CNPY1: variants seen among roughly 807,000 people sequenced by gnomAD.
CNPY1 encodes the protein canopy FGF signaling regulator 1.
CNPY1 carries 14 observed loss-of-function variants against 14.4 expected under a neutral mutation model. The ratio of observed to expected loss-of-function variants is 0.97; its 90% CI spans 0.64 to 1.52. The LOEUF (loss-of-function observed/expected upper bound fraction) is 1.52. Among genes scored for constraint, CNPY1 ranks in the 40% most tolerant of loss-of-function variants. The pLI, the probability that CNPY1 is intolerant of heterozygous loss-of-function variation, is 0.00. For synonymous variants in CNPY1, 43 were observed against 46.5 expected (o/e 0.92, Z 0.31); for missense variants, 129 against 131.5 (o/e 0.98, Z 0.09).
intron 2 of CNPY1, among the ~76,000 whole-genome samples, chr7:155,527,266 T>C (rs58301694): frequency 0.046 from 6,991 of 151,088 alleles, 492 homozygotes; most frequent in African/African-American, 0.15. Context: ...TTTTAAAACG[T>C]CGAAGCCAAA....
chr7:155,533,368 C>T (rs1796974338), intron 2 of CNPY1, among the ~76,000 whole-genome samples: 1 of 152,224 alleles, frequency 6.6e-6, no homozygotes, highest in South Asian at 2.1e-4. Flanking sequence ...ACAAAACGAG[C>T]TTGTGCCTCA....
rs933032756 is a variant in CNPY1, at chr7:155,532,950, C to T, written c.99+12881G>A. 3.9e-4 allele frequency among the ~76,000 whole-genome samples: 60 copies of T among 152,118 alleles called. 2 individuals carry two copies. Among genetic ancestry groups the T allele is most frequent in the Non-Finnish European group, 6.6e-4 (45 of 68,018 alleles). On this transcript the variant is annotated intron_variant, in intron 2 of 4. Coordinates refer to ENST00000636446, the MANE Select transcript of CNPY1 (RefSeq NM_001393663.1). Reference sequence around the variant, plus strand: ...CAGGAAAATTCATGCCCTCACACACCACCCGTCTGAGTCTACAGTCAGAAA... The same window carrying T: ...CAGGAAAATTCATGCCCTCACACACTACCCGTCTGAGTCTACAGTCAGAAA...
chr7:155,545,793 C>T (rs768024012), intron 2 of CNPY1, 38 bp downstream of exon 2: 89 of 398,242 alleles, frequency 2.2e-4, no homozygotes, highest in Middle Eastern at 1.9e-3. Flanking sequence ...TGCCCATATC[C>T]GCAATTATAC....
intron 3 of CNPY1, among the ~76,000 whole-genome samples, chr7:155,507,941 C>A (rs746398815): frequency 1.3e-5 from 2 of 152,178 alleles, no homozygotes; most frequent in Non-Finnish European, 2.9e-5. Flanking sequence ...GATTTAAATT[C>A]GACTCTAATG....
chr7:155,541,059 G>C (rs548700608), intron 2 of CNPY1, among the ~76,000 whole-genome samples: 8 of 152,262 alleles, frequency 5.3e-5, no homozygotes, highest in African/African-American at 1.9e-4. Context: ...CTTTGTGCCA[G>C]TGTGAGGAGC....
chr7:155,519,755 C>CTTAG (rs1485388781), intron 2 of CNPY1, among the ~76,000 whole-genome samples: 1 of 152,176 alleles, frequency 6.6e-6, no homozygotes, highest in Non-Finnish European at 1.5e-5. Flanking sequence ...AACTCACAAT[C>CTTAG]TTAGCATCCT....
intron 4 of CNPY1, 41 bp downstream of exon 4, chr7:155,506,979 G>A: frequency 7.8e-7 from 1 of 1,279,792 alleles, no homozygotes; most frequent in Non-Finnish European, 1.1e-6. Context: ...AGAGAGAGAG[G>A]GTGTGCGAGC....
chr7:155,501,948 G>A lies in CNPY1; in HGVS notation c.*1120C>T, dbSNP rs1011010875. The A allele has an allele frequency of 8.3e-6, 1 of 119,878 alleles. No homozygotes were observed. Among genetic ancestry groups the A allele is most frequent in the Non-Finnish European group, 1.6e-5 (1 of 62,428 alleles). 7.4% of individuals were successfully genotyped at this position (119,878 alleles called of 1,614,324 possible). On this transcript the variant is annotated 3_prime_UTR_variant, in exon 5 of 5. Transcript: ENST00000636446. ...CAGGAGAATGATTTAAACACATAAT[G>A]TGCTTTTTAAGCAACTAAGTAACAA...
In CNPY1 at chr7:155,507,238, T is replaced by G. The variant is rs1796349053; in HGVS notation, c.304-122A>C. 7 of 673,660 alleles carry G rather than the reference T, an allele frequency of 1.0e-5. No homozygotes were observed. In the Admixed American group the frequency reaches 1.5e-4, roughly 15 times the overall value. 41.7% of individuals were successfully genotyped at this position (673,660 alleles called of 1,614,324 possible). On this transcript the variant is annotated intron_variant, in intron 3 of 4. Transcript: ENST00000636446. ...AAATCATGTAACCAAGGTGGTCCAT[T>G]TTTATTCGCCCTTTTGGTTTAATAC...
chr7:155,529,780 T>TC (rs1400310698), intron 2 of CNPY1, among the ~76,000 whole-genome samples: 2 of 139,148 alleles, frequency 1.4e-5, no homozygotes, highest in African/African-American at 2.8e-5. Context: ...TCTTTTCTTT[T>TC]TTTTTTTTCT....
intron 2 of CNPY1, among the ~76,000 whole-genome samples, chr7:155,540,205 G>A (rs1043567456): frequency 1.3e-5 from 2 of 152,144 alleles, no homozygotes; most frequent in Non-Finnish European, 2.9e-5. Flanking sequence ...TGCACTTGGG[G>A]GCTGGAGGAG....
chr7:155,510,430 G>A (rs1796501055), intron 2 of CNPY1: 1 of 152,216 alleles, frequency 6.6e-6, no homozygotes, highest in African/African-American at 2.4e-5. Flanking sequence ...GGACGCGTCA[G>A]AGAAATACCG....
chr7:155,516,556 CAAG>C (rs35948795), intron 2 of CNPY1, among the ~76,000 whole-genome samples: 10,252 of 152,174 alleles, frequency 0.067, 508 homozygotes, highest in African/African-American at 0.13. Context: ...GCGGTGTCCT[CAAG>C]GAGTCACAGG....
intron 4 of CNPY1, chr7:155,506,810 C>A: frequency 1.8e-6 from 1 of 543,494 alleles, no homozygotes; most frequent in Non-Finnish European, 3.2e-6. Flanking sequence ...AAAGAAAGTA[C>A]AAAGAGGAAG....
intron 3 of CNPY1, among the ~76,000 whole-genome samples, chr7:155,507,553 A>G (rs1485016349): frequency 6.6e-6 from 1 of 151,064 alleles, no homozygotes; most frequent in African/African-American, 2.5e-5. Flanking sequence ...ATTTAACATA[A>G]TAATCCATTT....
intron 2 of CNPY1, among the ~76,000 whole-genome samples, chr7:155,532,379 T>G (rs1001519555): frequency 1.3e-5 from 2 of 151,868 alleles, no homozygotes; most frequent in African/African-American, 4.8e-5. Flanking sequence ...TCCCAGCACT[T>G]TGGGAGGCCG....
chr7:155,512,514 G>C (rs1489357169), intron 2 of CNPY1, among the ~76,000 whole-genome samples: 2 of 152,214 alleles, frequency 1.3e-5, no homozygotes, highest in Admixed American at 6.5e-5. Flanking sequence ...AGAGTGGAAA[G>C]AAGTACTTGA....
At position 155,536,677 on chromosome 7, in the gene CNPY1, G is replaced by A. The variant is rs1367943154; in HGVS notation, c.99+9154C>T. Among the ~76,000 whole-genome samples the A allele has an allele frequency of 6.6e-6, 1 of 152,158 alleles. No individual in the cohort carries two copies. The highest frequency in any genetic ancestry group is 2.4e-5 in the African/African-American group (1 of 41,440). ...CACCTGCTGGATGAACAGGACTCGG[G>A]CTTGGAGGAGGAGGAGCCACAAGAC... On this transcript the variant is annotated intron_variant, in intron 2 of 4. Transcript: ENST00000636446. The surrounding 1 kb of genome is among the most constrained non-coding windows in gnomAD (Gnocchi z 4.1).
At chr7:155,535,803 T>A (rs1463630719) in intron 2 of CNPY1, among the ~76,000 whole-genome samples, 1 of 152,150 alleles carries the variant, frequency 6.6e-6, no homozygotes, top group Non-Finnish European at 1.5e-5. Flanking sequence ...GATGCATTCA[T>A]CTGTGATTTG....
Sources: gnomAD v4.1 joint callset for allele counts (sites outside exome capture counted in the v4.1 genomes callset) on GRCh38, gnomAD v4.1.1 for gene constraint, Gnocchi (gnomAD v3.1) non-coding constraint, MANE v1.5 for transcripts, NCBI Gene and HGNC (gene_info 2026-07-23, HGNC 2026-07-21) for gene names.